The following LRP1B variants were observed in gnomAD, a reference collection of about 807,000 sequenced individuals.
LRP1B encodes LDL receptor related protein 1B, also known as low-density lipoprotein receptor-related protein 1B.
A neutral mutation model predicts 556.6 loss-of-function variants in LRP1B; 217 were observed. The ratio of observed to expected loss-of-function variants is 0.39; its 90% CI spans 0.35 to 0.44. The LOEUF is 0.44. Among genes scored for constraint, LRP1B ranks in the 20% least tolerant of loss-of-function variants. The pLI, the probability that LRP1B is intolerant of heterozygous loss-of-function variation, is 1.00. For synonymous variants in LRP1B, 2,047 were observed against 1,865.8 expected, an observed-to-expected ratio of 1.10 and a Z score of -2.50; for missense variants, 5,053 against 5,620.8, an observed-to-expected ratio of 0.90 and a Z score of 3.23.
chr2:142,078,636 T>G (rs932780020), intron 1 of LRP1B, among the ~76,000 whole-genome samples: 6 of 152,152 alleles, frequency 3.9e-5, no homozygotes, highest in Non-Finnish European at 8.8e-5. Context: ...GAGAAAGCCT[T>G]TAGAGTAATA....
intron 2 of LRP1B, among the ~76,000 whole-genome samples, chr2:141,567,515 TA>T (rs1292428866): frequency 1.3e-5 from 2 of 152,124 alleles, no homozygotes; most frequent in Admixed American, 6.6e-5. Context: ...GCATTCAACC[TA>T]TAATTTACAT....
intron 3 of LRP1B, among the ~76,000 whole-genome samples, chr2:141,315,795 T>C (rs140766052): frequency 6.6e-6 from 1 of 151,688 alleles, no homozygotes; most frequent in African/African-American, 2.4e-5. Flanking sequence ...TTTTGTTTTG[T>C]TTTAATTGCC....
intron 23 of LRP1B, among the ~76,000 whole-genome samples, chr2:140,891,030 G>A (rs113564622): frequency 0.014 from 2,070 of 152,048 alleles, 21 homozygotes; most frequent in African/African-American, 0.025. Flanking sequence ...TCTCATAAAC[G>A]ACTGAATTTA....
intron 5 of LRP1B, among the ~76,000 whole-genome samples, chr2:141,244,017 C>T (rs1573703637): frequency 1.3e-5 from 2 of 152,120 alleles, no homozygotes; most frequent in Admixed American, 1.3e-4. Context: ...TACCTAATTG[C>T]TATCTATTGT....
At chr2:140,956,814 A>G (rs1006249945) in intron 18 of LRP1B, among the ~76,000 whole-genome samples, 1 of 151,780 alleles carries the variant, frequency 6.6e-6, no homozygotes, top group African/African-American at 2.4e-5. Flanking sequence ...ATTGCCAATT[A>G]ATGTGTGATA....
intron 68 of LRP1B, among the ~76,000 whole-genome samples, chr2:140,374,929 CAAAAG>C (rs760498098): frequency 1.1e-4 from 16 of 152,020 alleles, no homozygotes; most frequent in Non-Finnish European, 2.1e-4. Context: ...AGTAAGGACT[CAAAAG>C]AGATCTATAC....
intron 20 of LRP1B, among the ~76,000 whole-genome samples, chr2:140,941,012 A>G (rs958924035): frequency 2.0e-5 from 3 of 152,152 alleles, no homozygotes; most frequent in Non-Finnish European, 4.4e-5. Flanking sequence ...TATTTCTCTA[A>G]TGATCAGTGA....
At chr2:140,975,727 ACTC>A (rs1696576175) in intron 18 of LRP1B, among the ~76,000 whole-genome samples, 2 of 152,008 alleles carry the variant, frequency 1.3e-5, no homozygotes, top group Non-Finnish European at 2.9e-5. Context: ...CTGGATTACT[ACTC>A]CTCATTATAT....
At chr2:140,386,577 G>C (rs879670481) in intron 66 of LRP1B, among the ~76,000 whole-genome samples, 1 of 152,136 alleles carries the variant, frequency 6.6e-6, no homozygotes, top group Non-Finnish European at 1.5e-5. Context: ...CATTAATTAT[G>C]TTCCATCTCA....
intron 86 of LRP1B, among the ~76,000 whole-genome samples, chr2:140,250,061 A>G (rs1210880840): frequency 6.6e-6 from 1 of 151,728 alleles, no homozygotes; most frequent in Non-Finnish European, 1.5e-5. Flanking sequence ...AATCTGTACT[A>G]TTGCAATCCA....
chr2:141,579,851 C>T (rs1686901123), intron 2 of LRP1B, among the ~76,000 whole-genome samples: 1 of 151,248 alleles, frequency 6.6e-6, no homozygotes. Context: ...AGGCACCCAC[C>T]ACCACACCCG....
intron 11 of LRP1B, among the ~76,000 whole-genome samples, chr2:141,021,878 T>C (rs1698074088): frequency 6.6e-6 from 1 of 151,972 alleles, no homozygotes; most frequent in African/African-American, 2.4e-5. Flanking sequence ...CTACTGCATG[T>C]AAACATTTAG....
intron 35 of LRP1B, among the ~76,000 whole-genome samples, chr2:140,737,867 T>TG (rs1687999958): frequency 6.6e-6 from 1 of 152,204 alleles, no homozygotes; most frequent in South Asian, 2.1e-4. Context: ...ATAGCCCTGG[T>TG]GGCAGCTGCT....
Position 140,457,468 on chromosome 2 carries a change from G to A in LRP1B, c.9809C>T (p.Pro3270Leu), listed in dbSNP as rs761366149. The change falls in exon 61 of 91, where the codon CCT becomes CTT. Residue 3270 changes from proline (P) to leucine (L), a missense_variant. Transcript: ENST00000389484. ...DIQVYHSYRQ[P>L]DVSKHLCMIN... ...ATCATGGAAAGAATAATTACCATCA[G>A]GTTGTCTATAAGAATGATACACCTG... 1 of 1,607,036 alleles carries A rather than the reference G, an allele frequency of 6.2e-7. No individual in the cohort carries two copies. The highest frequency in any genetic ancestry group is 8.5e-7 in the Non-Finnish European group (1 of 1,174,110).
At chr2:140,674,453 C>G (rs761425916) in intron 41 of LRP1B, among the ~76,000 whole-genome samples, 3 of 152,160 alleles carry the variant, frequency 2.0e-5, no homozygotes, top group Non-Finnish European at 4.4e-5. Context: ...ACCCTGGTCT[C>G]CACAACCCCT....
chr2:141,148,595 T>G (rs527554302), intron 7 of LRP1B, among the ~76,000 whole-genome samples: 57 of 152,246 alleles, frequency 3.7e-4, no homozygotes, highest in African/African-American at 1.3e-3. Context: ...GTTGAAGGAA[T>G]CTGTCATCTT....
intron 3 of LRP1B, among the ~76,000 whole-genome samples, chr2:141,456,431 A>AAATAT (rs1286246317): frequency 3.9e-5 from 6 of 152,166 alleles, no homozygotes; most frequent in Non-Finnish European, 8.8e-5. Flanking sequence ...ATAACCTTAC[A>AAATAT]AACTGTTGAT....
intron 66 of LRP1B, among the ~76,000 whole-genome samples, chr2:140,427,347 C>T (rs1214421473): frequency 6.6e-6 from 1 of 152,156 alleles, no homozygotes; most frequent in African/African-American, 2.4e-5. Flanking sequence ...CCCCCTTCTC[C>T]GTGTCTTTAC....
chr2:140,865,765 A>G (rs981706294), intron 27 of LRP1B, among the ~76,000 whole-genome samples: 6 of 152,134 alleles, frequency 3.9e-5, no homozygotes, highest in African/African-American at 1.4e-4. Context: ...TTACATCCAC[A>G]TAGTAAAATC....
Sources: allele counts gnomAD v4.1 joint callset (sites outside exome capture counted in the v4.1 genomes callset), GRCh38; gene constraint gnomAD v4.1.1; transcripts MANE v1.5; gene names NCBI Gene and HGNC (gene_info 2026-07-23, HGNC 2026-07-21).